ARHGAP26: variants seen among roughly 807,000 people sequenced by gnomAD.
ARHGAP26 encodes the protein Rho GTPase activating protein 26.
Under a neutral mutation model 104.8 loss-of-function variants are expected in ARHGAP26, and 38 were observed. That is an observed-to-expected ratio of 0.36 (90% CI 0.28 to 0.48). The LOEUF is 0.48. ARHGAP26 is among the 20% of genes least tolerant of loss of function. The pLI is 0.99. For missense variants in ARHGAP26, 704 were observed against 947.9 expected (o/e 0.74, Z 3.38); for synonymous variants, 341 against 340.0 (o/e 1.00, Z -0.03).
intron 11 of ARHGAP26, among the ~76,000 whole-genome samples, chr5:142,954,019 A>G (rs1768812074): frequency 6.6e-6 from 1 of 152,216 alleles, no homozygotes; most frequent in African/African-American, 2.4e-5. Flanking sequence ...CCATTTTAAA[A>G]TACATGATAT....
chr5:143,097,360 GAA>G (rs56116431), intron 17 of ARHGAP26, among the ~76,000 whole-genome samples: 5,242 of 63,140 alleles, frequency 0.083, 105 homozygotes, highest in East Asian at 0.21. Context: ...TCAAAAAAAA[GAA>G]AAAAAAAAAA....
intron 11 of ARHGAP26, among the ~76,000 whole-genome samples, chr5:142,936,130 C>CACACAT (rs1056281076): frequency 2.6e-5 from 4 of 151,892 alleles, no homozygotes; most frequent in African/African-American, 9.7e-5. Context: ...CACACACACA[C>CACACAT]ACACACACAC....
intron 1 of ARHGAP26, among the ~76,000 whole-genome samples, chr5:142,802,783 C>G (rs1047641593): frequency 6.6e-6 from 1 of 152,076 alleles, no homozygotes; most frequent in Non-Finnish European, 1.5e-5. Flanking sequence ...TAGACCAAGT[C>G]TGGGACTCTG....
intron 1 of ARHGAP26, among the ~76,000 whole-genome samples, chr5:142,831,014 C>A (rs1597815850): frequency 6.6e-6 from 1 of 152,286 alleles, no homozygotes; most frequent in Non-Finnish European, 1.5e-5. Flanking sequence ...ATTATAATAG[C>A]ACCTACCCTG....
At chr5:143,022,245 T>G (rs1415581159) in intron 12 of ARHGAP26, among the ~76,000 whole-genome samples, 1 of 152,020 alleles carries the variant, frequency 6.6e-6, no homozygotes, top group Admixed American at 6.5e-5. Context: ...CTAATTTTTT[T>G]TATTTTTAGT....
At chr5:142,771,501 T>G (rs769935626) in intron 1 of ARHGAP26, 154 of 996,200 alleles carry the variant, frequency 1.5e-4, no homozygotes, top group Non-Finnish European at 1.9e-4. Context: ...TCTCTAAATC[T>G]GGAATCAGTA....
chr5:143,051,162 T>A (rs1311219308), intron 14 of ARHGAP26, among the ~76,000 whole-genome samples: 2 of 152,218 alleles, frequency 1.3e-5, no homozygotes, highest in Non-Finnish European at 2.9e-5. Context: ...ATTAGGAAAT[T>A]CAAGAGTACA....
At chr5:142,897,766 C>G (rs989107557) in intron 6 of ARHGAP26, among the ~76,000 whole-genome samples, 2 of 152,190 alleles carry the variant, frequency 1.3e-5, no homozygotes, top group Non-Finnish European at 2.9e-5. Flanking sequence ...GTTTTTATCC[C>G]AATTTTCAGA....
intron 17 of ARHGAP26, among the ~76,000 whole-genome samples, chr5:143,073,378 T>A (rs1447850154): frequency 6.6e-6 from 1 of 152,188 alleles, no homozygotes; most frequent in Non-Finnish European, 1.5e-5. Flanking sequence ...TTGATAAAGT[T>A]GGGAGCATCT....
chr5:142,862,381 A>G (rs1044584951), intron 1 of ARHGAP26, among the ~76,000 whole-genome samples: 1 of 152,252 alleles, frequency 6.6e-6, no homozygotes, highest in African/African-American at 2.4e-5. Flanking sequence ...CCTGTGGAGA[A>G]ATTAATTTGG....
In ARHGAP26 at chr5:142,871,325, C is replaced by G. The variant is rs463717; in HGVS notation, c.155-2075C>G. Among the ~76,000 whole-genome samples, 1 of 152,044 alleles carries G rather than the reference C, an allele frequency of 6.6e-6. No homozygotes were observed. ...CATGACCAGCCACTCCCTGATCCTC[C>G]TGGCAGCTGCCCTTGGCAGTGCGGC... On this transcript the variant is annotated intron_variant, in intron 1 of 22. Transcript: ENST00000645722. This position sits in a 1 kb window ranked among gnomAD's most constrained non-coding sequence, Gnocchi z 4.1.
intron 6 of ARHGAP26, among the ~76,000 whole-genome samples, chr5:142,896,281 T>C (rs6580263): frequency 0.12 from 17,934 of 152,274 alleles, 2,073 homozygotes; most frequent in African/African-American, 0.3. Context: ...AATCTTTATA[T>C]ATACTTCGAT....
At chr5:142,913,399 C>G (rs1189054966) in intron 10 of ARHGAP26, 106 bp downstream of exon 10, 3 of 941,512 alleles carry the variant, frequency 3.2e-6, no homozygotes, top group East Asian at 2.6e-5. Context: ...TTCTCCCCCT[C>G]CCTCCTTCCT....
chr5:142,955,092 G>A lies in ARHGAP26; in HGVS notation c.1107+22967G>A, dbSNP rs1175388633. On this transcript the variant is annotated intron_variant, in intron 11 of 22. Transcript: ENST00000645722. ...CCAGCAGTTCAACATAGTGAGACCT[G>A]TCTACACACACACACACACACACAC... 2.9e-5 allele frequency among the ~76,000 whole-genome samples: 3 copies of A among 104,950 alleles called. No homozygotes were observed. In the South Asian group the frequency reaches 1.2e-3, roughly 43 times the overall value. 68.9% of individuals were successfully genotyped at this position (104,950 alleles called of 152,430 possible). A position where few individuals can be genotyped will look rare whatever the true frequency, so the allele number is the denominator to read the frequency against.
intron 1 of ARHGAP26, among the ~76,000 whole-genome samples, chr5:142,866,342 C>T (rs1034029278): frequency 6.6e-6 from 1 of 152,110 alleles, no homozygotes; most frequent in African/African-American, 2.4e-5. Context: ...CTTACATTAC[C>T]ACTCATTCCC....
At chr5:143,067,658 G>A (rs1340840615) in intron 17 of ARHGAP26, among the ~76,000 whole-genome samples, 1 of 152,178 alleles carries the variant, frequency 6.6e-6, no homozygotes, top group East Asian at 1.9e-4. Flanking sequence ...TCAGTAGGCG[G>A]TAAAGGAACA....
intron 1 of ARHGAP26, among the ~76,000 whole-genome samples, chr5:142,865,363 T>C (rs1000804831): frequency 6.6e-5 from 10 of 152,178 alleles, no homozygotes; most frequent in Admixed American, 4.6e-4. Flanking sequence ...AATGTTCTTA[T>C]GAGGAAAAGC....
chr5:142,772,862 T>G (rs773259060), intron 1 of ARHGAP26: 1 of 533,510 alleles, frequency 1.9e-6, no homozygotes. Flanking sequence ...TGCGTTTGGG[T>G]GACTGGCAGT....
chr5:143,167,415 A>G (rs781773105), intron 20 of ARHGAP26, among the ~76,000 whole-genome samples: 1 of 137,084 alleles, frequency 7.3e-6, no homozygotes, highest in African/African-American at 2.8e-5. Flanking sequence ...CCGGGGGGGA[A>G]GAGGTTACAG....
Sources: allele counts gnomAD v4.1 joint callset (sites outside exome capture counted in the v4.1 genomes callset), GRCh38; gene constraint gnomAD v4.1.1; non-coding constraint Gnocchi (gnomAD v3.1); transcripts MANE v1.5; gene names NCBI Gene and HGNC (gene_info 2026-07-23, HGNC 2026-07-21).